Variants in DHRSX observed in about 807,000 individuals in gnomAD.
The protein encoded by DHRSX is dehydrogenase/reductase X-linked.
DHRSX carries 31 observed loss-of-function variants against 34.0 expected under a neutral mutation model. The observed-to-expected ratio is 0.91, with a 90% CI of 0.69 to 1.23. The LOEUF is 1.23. DHRSX is among the 50% of genes most tolerant of loss of function. The pLI, the probability that DHRSX is intolerant of heterozygous loss-of-function variation, is 0.00. For missense variants in DHRSX, 414 were observed against 428.1 expected, an observed-to-expected ratio of 0.97 and a Z score of 0.29; for synonymous variants, 201 against 183.8, an observed-to-expected ratio of 1.09 and a Z score of -0.76.
intron 6 of DHRSX, among the ~76,000 whole-genome samples, chrX:2,232,585 T>A (rs975299398): frequency 2.6e-5 from 4 of 151,902 alleles, no homozygotes; most frequent in African/African-American, 9.7e-5. Context: ...TTTTTTATTT[T>A]TTATTATTTA....
chrX:2,262,390 A>T (rs1318328644), intron 5 of DHRSX, among the ~76,000 whole-genome samples: 1 of 151,832 alleles, frequency 6.6e-6, no homozygotes, highest in Non-Finnish European at 1.5e-5. Flanking sequence ...GCACTCACGC[A>T]CCTTATCTGT....
chrX:2,435,834 TA>T lies in DHRSX; in HGVS notation c.110-10531del, dbSNP rs938389849. Among the ~76,000 whole-genome samples the T allele has an allele frequency of 1.2e-4, 18 of 152,298 alleles. 1 individual carries two copies. Among genetic ancestry groups the T allele is most frequent in the African/African-American group, 3.4e-4 (14 of 41,562 alleles). On this transcript the variant is annotated intron_variant, in intron 1 of 6. Transcript: ENST00000334651. Reference sequence around the variant, plus strand: ...CTTACGCCATATGATATTTCATTCTTAAAAAACAGGAAAAACAAAAGTCCTA... The same window carrying T: ...CTTACGCCATATGATATTTCATTCTTAAAAACAGGAAAAACAAAAGTCCTA...
chrX:2,313,004 A>G (rs775495994), intron 3 of DHRSX, among the ~76,000 whole-genome samples: 6 of 105,238 alleles, frequency 5.7e-5, no homozygotes, highest in African/African-American at 1.2e-4. Context: ...TTCAAGATAT[A>G]TATTTTTTTT....
chrX:2,458,612 G>A (rs1291065385), intron 1 of DHRSX, among the ~76,000 whole-genome samples: 1 of 152,140 alleles, frequency 6.6e-6, no homozygotes, highest in Non-Finnish European at 1.5e-5. Context: ...CTCATAGGTA[G>A]AATCTAAAAA....
intron 3 of DHRSX, among the ~76,000 whole-genome samples, chrX:2,319,976 G>A (rs1002077304): frequency 7.9e-5 from 12 of 151,910 alleles, no homozygotes; most frequent in Admixed American, 3.3e-4. Flanking sequence ...TTACAGGCAC[G>A]CACCACCATT....
chrX:2,381,803 A>C (rs2043206677), intron 3 of DHRSX, among the ~76,000 whole-genome samples: 2 of 141,020 alleles, frequency 1.4e-5, no homozygotes, highest in Non-Finnish European at 3.0e-5. Context: ...CAACCAAAAA[A>C]AAAAAAAAAA....
intron 1 of DHRSX, among the ~76,000 whole-genome samples, chrX:2,494,903 T>C (rs1297880160): frequency 1.3e-5 from 2 of 151,872 alleles, no homozygotes; most frequent in Admixed American, 1.3e-4. Context: ...TATATTCTAT[T>C]ATTATTCTTA....
intron 3 of DHRSX, among the ~76,000 whole-genome samples, chrX:2,347,026 T>C (rs768085874): frequency 6.6e-6 from 1 of 152,352 alleles, no homozygotes; most frequent in Non-Finnish European, 1.5e-5. Context: ...CTCTGTGCCA[T>C]ATTGTCTTTA....
chrX:2,432,969 A>T (rs912510598), intron 1 of DHRSX, among the ~76,000 whole-genome samples: 5 of 152,080 alleles, frequency 3.3e-5, no homozygotes, highest in Non-Finnish European at 7.4e-5. Flanking sequence ...CAAAAAATTT[A>T]AAAAATTAAC....
intron 3 of DHRSX, among the ~76,000 whole-genome samples, chrX:2,340,266 C>T (rs1227611853): frequency 6.6e-6 from 1 of 151,948 alleles, no homozygotes; most frequent in Non-Finnish European, 1.5e-5. Flanking sequence ...TGCAGCAAAC[C>T]ACCATGGCAC....
intron 4 of DHRSX, among the ~76,000 whole-genome samples, chrX:2,276,768 A>AC (rs1369012929): frequency 8.7e-5 from 13 of 149,916 alleles, no homozygotes; most frequent in South Asian, 8.6e-4. Context: ...GGGAGGGCAA[A>AC]GAAGGAAGAG....
chrX:2,434,603 C>A (rs1452809661), intron 1 of DHRSX, among the ~76,000 whole-genome samples: 1 of 152,092 alleles, frequency 6.6e-6, no homozygotes, highest in Non-Finnish European at 1.5e-5. Context: ...CCCAGGAGGT[C>A]GAGGCTGCGG....
At chrX:2,441,472 A>G (rs2044061084) in intron 1 of DHRSX, among the ~76,000 whole-genome samples, 1 of 152,128 alleles carries the variant, frequency 6.6e-6, no homozygotes, top group Non-Finnish European at 1.5e-5. Context: ...AGTAGGATAT[A>G]TATATAGAGA....
chrX:2,484,785 C>T (rs184797208), intron 1 of DHRSX, among the ~76,000 whole-genome samples: 19 of 152,224 alleles, frequency 1.2e-4, no homozygotes, highest in African/African-American at 4.1e-4. Context: ...ACATCTGAGA[C>T]TCGCAGAAGG....
chrX:2,383,839 AG>A (rs1180870795), intron 3 of DHRSX, among the ~76,000 whole-genome samples: 1 of 152,216 alleles, frequency 6.6e-6, no homozygotes, highest in African/African-American at 2.4e-5. Context: ...CTAGCATGAA[AG>A]GGACTTGGAT....
At position 2,477,706 on chromosome X, in the gene DHRSX, G is replaced by C. The variant is rs191306708; in HGVS notation, c.109+23111C>G. The stretch of plus-strand genomic sequence containing the variant: ...ACTAAAAATATAAAATTAGCCGAGC[G>C]TGGTGGCACATGCCTGTATTCCCAG... On this transcript the variant is annotated intron_variant, in intron 1 of 6. Coordinates refer to ENST00000334651, the MANE Select transcript of DHRSX (RefSeq NM_145177.3). 2.2e-3 allele frequency among the ~76,000 whole-genome samples: 334 copies of C among 152,224 alleles called. 3 individuals carry two copies. The highest frequency in any genetic ancestry group is 6.8e-3 in the African/African-American group (282 of 41,556).
In DHRSX at chrX:2,250,598, G is replaced by A. The variant is rs775084883; in HGVS notation, c.597-7368C>T. On this transcript the variant is annotated intron_variant, in intron 5 of 6. Coordinates refer to ENST00000334651, the MANE Select transcript of DHRSX (RefSeq NM_145177.3). ...TATCAGCTAATGCATTAGAATTAGC[G>A]TATCATGACCAGAGAGGATGACCAG... Among the ~76,000 whole-genome samples, 335 of 152,092 alleles carry A rather than the reference G, an allele frequency of 2.2e-3. 1 individual carries two copies. Among genetic ancestry groups the A allele is most frequent in the African/African-American group, 7.2e-3 (300 of 41,492 alleles).
rs1398248787 is a variant in DHRSX, at chrX:2,266,838, C to T, written c.498G>A (p.Leu166=). Residue 166 remains leucine (L), a synonymous_variant, in exon 5 of 7, where the codon CTG becomes CTA. Coordinates refer to ENST00000334651, the MANE Select transcript of DHRSX (RefSeq NM_145177.3). ...TGTGGCCAGGGGACCCAGACTCTTT[C>T]AGCGTATCCAAGAGAAGGTTGGTCA... The part of the protein sequence containing the change: ...FLLTNLLLDT[L]KESGSPGHSA... 3.1e-6 allele frequency: 5 copies of T among 1,613,994 alleles called. No homozygotes were observed. The Admixed American group carries it at 6.7e-5, about 22-fold the overall frequency.
chrX:2,295,113 AC>A (rs1187656677), intron 3 of DHRSX, among the ~76,000 whole-genome samples: 12 of 152,194 alleles, frequency 7.9e-5, no homozygotes, highest in Admixed American at 7.9e-4. Flanking sequence ...TACTATAAAG[AC>A]ACATGCACAC....
Sources: gnomAD v4.1 joint callset for allele counts (sites outside exome capture counted in the v4.1 genomes callset) on GRCh38, gnomAD v4.1.1 for gene constraint, MANE v1.5 for transcripts, NCBI Gene and HGNC (gene_info 2026-07-23, HGNC 2026-07-21) for gene names.